Variants in CNTNAP2 observed in about 807,000 individuals in gnomAD.
CNTNAP2 encodes contactin associated protein 2, also known as contactin-associated protein-like 2.
A neutral mutation model predicts 155.2 loss-of-function variants in CNTNAP2; 98 were observed. The observed-to-expected ratio is 0.63, with a 90% CI of 0.54 to 0.75. CNTNAP2 has a LOEUF of 0.75. Among genes scored for constraint, CNTNAP2 ranks in the 30% least tolerant of loss-of-function variants. The probability of loss-of-function intolerance (pLI) is 0.00; values close to 1 mark genes in which losing one functional copy is unlikely to be tolerated. For synonymous variants in CNTNAP2, 651 were observed against 631.2 expected (o/e 1.03, Z -0.47); for missense variants, 1,727 against 1,688.1 (o/e 1.02, Z -0.40).
rs1196496730 is a variant in CNTNAP2, at chr7:147,840,836, GA to G, written c.2099-62726del. Among the ~76,000 whole-genome samples, 8 of 152,056 alleles carry G rather than the reference GA, an allele frequency of 5.3e-5. No individual in the cohort carries two copies. In the East Asian group the frequency reaches 1.6e-3, roughly 29 times the overall value. ...TCTAGATTCTTGGTTTGGATGATCA[GA>G]AAGTAGAATCATAAATCTTCTCCAA... is the stretch of plus-strand genomic sequence containing the variant. On this transcript the variant is annotated intron_variant, in intron 13 of 23. Coordinates refer to ENST00000361727, the MANE Select transcript of CNTNAP2 (RefSeq NM_014141.6).
intron 13 of CNTNAP2, among the ~76,000 whole-genome samples, chr7:147,704,094 A>G (rs1305770270): frequency 6.6e-6 from 1 of 152,148 alleles, no homozygotes; most frequent in Non-Finnish European, 1.5e-5. Context: ...GGTTTTTGCA[A>G]TGATAATAGT....
chr7:147,514,373 A>G (rs948460086), intron 11 of CNTNAP2, among the ~76,000 whole-genome samples: 1 of 151,908 alleles, frequency 6.6e-6, no homozygotes, highest in Non-Finnish European at 1.5e-5. Context: ...CATGTATTTT[A>G]TATATTTAAA....
At chr7:147,424,075 A>G (rs944798499) in intron 10 of CNTNAP2, among the ~76,000 whole-genome samples, 1 of 152,152 alleles carries the variant, frequency 6.6e-6, no homozygotes, top group African/African-American at 2.4e-5. Context: ...CTTTAAATTC[A>G]TAGCTCCTAA....
chr7:147,318,268 C>G (rs1795274254), intron 9 of CNTNAP2, among the ~76,000 whole-genome samples: 1 of 151,980 alleles, frequency 6.6e-6, no homozygotes, highest in Non-Finnish European at 1.5e-5. Context: ...GTGGTGAAAC[C>G]CCATCTTTGC....
At chr7:147,071,550 G>A (rs1450828735) in intron 4 of CNTNAP2, among the ~76,000 whole-genome samples, 1 of 152,128 alleles carries the variant, frequency 6.6e-6, no homozygotes, top group Non-Finnish European at 1.5e-5. Context: ...GCCCTAGTAT[G>A]CTCTCTGGCA....
intron 10 of CNTNAP2, among the ~76,000 whole-genome samples, chr7:147,467,523 A>G (rs539052051): frequency 4.6e-5 from 7 of 152,316 alleles, no homozygotes; most frequent in African/African-American, 1.7e-4. Flanking sequence ...AATAGATACT[A>G]GAGCCTCCAA....
intron 1 of CNTNAP2, among the ~76,000 whole-genome samples, chr7:146,392,167 T>C (rs1795554152): frequency 6.6e-6 from 1 of 152,132 alleles, no homozygotes; most frequent in Admixed American, 6.6e-5. Context: ...GTGTATGCCT[T>C]AAGCTTCAAT....
At chr7:148,112,006 G>T (rs79216843) in intron 15 of CNTNAP2, among the ~76,000 whole-genome samples, 2,859 of 152,260 alleles carry the variant, frequency 0.019, 41 homozygotes, top group South Asian at 0.051. Context: ...GCAGAGGGAG[G>T]TCCCAGGACA....
chr7:146,127,858 C>T (rs981341899), intron 1 of CNTNAP2, among the ~76,000 whole-genome samples: 18 of 152,126 alleles, frequency 1.2e-4, no homozygotes, highest in Admixed American at 1.1e-3. Context: ...GTGTAATAAT[C>T]CAGCAGATGC....
intron 3 of CNTNAP2, among the ~76,000 whole-genome samples, chr7:146,975,017 G>A (rs1797880929): frequency 6.6e-6 from 1 of 152,064 alleles, no homozygotes; most frequent in Non-Finnish European, 1.5e-5. Flanking sequence ...ATATTCACCA[G>A]GTATACGTAT....
chr7:147,021,955 C>G (rs1798825343), intron 3 of CNTNAP2, among the ~76,000 whole-genome samples: 1 of 151,990 alleles, frequency 6.6e-6, no homozygotes, highest in Admixed American at 6.6e-5. Context: ...TTAGGTATGG[C>G]TATGCAACCC....
intron 8 of CNTNAP2, among the ~76,000 whole-genome samples, chr7:147,275,386 A>G (rs1408844282): frequency 6.6e-6 from 1 of 151,168 alleles, no homozygotes; most frequent in East Asian, 1.9e-4. Flanking sequence ...TTGGCTAAAC[A>G]TATTCCTAGA....
At chr7:147,623,132 C>A (rs1794898151) in intron 12 of CNTNAP2, among the ~76,000 whole-genome samples, 2 of 151,862 alleles carry the variant, frequency 1.3e-5, no homozygotes, top group Non-Finnish European at 2.9e-5. Context: ...AGAACTCTGT[C>A]AATAAGAAAA....
chr7:146,302,161 C>T lies in CNTNAP2; in HGVS notation c.97+185188C>T, dbSNP rs1800622940. Among the ~76,000 whole-genome samples the T allele has an allele frequency of 2.0e-5, 3 of 152,030 alleles. No homozygotes were observed. The South Asian group carries it at 6.2e-4, about 32-fold the overall frequency. The stretch of plus-strand genomic sequence containing the variant: ...TCTGCAAAGCAAAAAGAAAGTAAGG[C>T]ATCATATACAATTTGTTGCTACATG... On this transcript the variant is annotated intron_variant, in intron 1 of 23. Coordinates refer to ENST00000361727, the MANE Select transcript of CNTNAP2 (RefSeq NM_014141.6).
At chr7:147,316,030 C>G (rs762804578) in intron 9 of CNTNAP2, among the ~76,000 whole-genome samples, 6 of 151,864 alleles carry the variant, frequency 4.0e-5, no homozygotes, top group Non-Finnish European at 8.8e-5. Context: ...GGTCTTTCCA[C>G]CTTTTGGCTA....
At chr7:147,349,050 G>A (rs1020382025) in intron 9 of CNTNAP2, among the ~76,000 whole-genome samples, 4 of 151,896 alleles carry the variant, frequency 2.6e-5, no homozygotes, top group Admixed American at 6.6e-5. Context: ...TAGGTAGGAC[G>A]AGTAAATTCT....
At chr7:146,216,450 A>C (rs1434575089) in intron 1 of CNTNAP2, among the ~76,000 whole-genome samples, 1 of 152,202 alleles carries the variant, frequency 6.6e-6, no homozygotes, top group Non-Finnish European at 1.5e-5. Context: ...GCAGTTAAAG[A>C]GTTACTTCAA....
intron 13 of CNTNAP2, among the ~76,000 whole-genome samples, chr7:147,731,713 C>G (rs185148238): frequency 6.6e-6 from 1 of 152,210 alleles, no homozygotes; most frequent in Non-Finnish European, 1.5e-5. Context: ...AGAGTGATTT[C>G]TCTAGTAGGT....
At chr7:148,048,624 GC>G (rs995519538) in intron 15 of CNTNAP2, among the ~76,000 whole-genome samples, 1 of 152,128 alleles carries the variant, frequency 6.6e-6, no homozygotes, top group African/African-American at 2.4e-5. Context: ...TGCAAATTGA[GC>G]TAAGAGATAG....
Sources: allele counts gnomAD v4.1 joint callset (sites outside exome capture counted in the v4.1 genomes callset), GRCh38; gene constraint gnomAD v4.1.1; transcripts MANE v1.5; gene names NCBI Gene and HGNC (gene_info 2026-07-23, HGNC 2026-07-21).